Variants in CYFIP1 observed in about 807,000 individuals in gnomAD.
The protein encoded by CYFIP1 is cytoplasmic FMR1 interacting protein 1.
A neutral mutation model predicts 163.5 loss-of-function variants in CYFIP1; 58 were observed. The ratio of observed to expected loss-of-function variants is 0.35; its 90% CI spans 0.29 to 0.44. The LOEUF (loss-of-function observed/expected upper bound fraction) is 0.44, where lower values mean the gene tolerates loss of function less well. Among genes scored for constraint, CYFIP1 ranks in the 20% least tolerant of loss-of-function variants. CYFIP1 has a pLI of 1.00. For synonymous variants in CYFIP1, 663 were observed against 660.7 expected (o/e 1.00, Z -0.05); for missense variants, 1,338 against 1,653.8 (o/e 0.81, Z 3.31).
chr15:22,867,203 C>CCAT lies in CYFIP1; in HGVS notation c.*2822_*2824dup, dbSNP rs1468445237. ...GAAATGTGCATTTGTCATCCCCACT[C>CCAT]CATCAATCCCTGACCATGTAAGGCT... On this transcript the variant is annotated 3_prime_UTR_variant, in exon 31 of 31. Coordinates refer to ENST00000617928, the MANE Select transcript of CYFIP1 (RefSeq NM_014608.6). 7.6e-5 allele frequency: 32 copies of CCAT among 421,428 alleles called. No individual in the cohort carries two copies. The Admixed American group carries it at 1.0e-3, about 14-fold the overall frequency. The allele number at this position is 421,428 out of a possible 1,614,324, so 26.1% of individuals were successfully genotyped here.
At chr15:22,979,990 G>C (rs1015946268) in intron 1 of CYFIP1, among the ~76,000 whole-genome samples, 1 of 152,162 alleles carries the variant, frequency 6.6e-6, no homozygotes, top group Admixed American at 6.5e-5. Flanking sequence ...GTGAACGCGG[G>C]GGCGGGGAGC....
intron 1 of CYFIP1, among the ~76,000 whole-genome samples, chr15:22,974,840 G>A (rs530864535): frequency 4.1e-4 from 63 of 152,156 alleles, no homozygotes; most frequent in African/African-American, 1.2e-3. Flanking sequence ...TGAACCATGC[G>A]GGTCCACTTA....
chr15:22,902,995 A>G (rs1390759423), intron 22 of CYFIP1, among the ~76,000 whole-genome samples: 2 of 152,188 alleles, frequency 1.3e-5, no homozygotes, highest in Non-Finnish European at 2.9e-5. Context: ...CGCGGAGATC[A>G]GAGGCAAGCA....
intron 13 of CYFIP1, among the ~76,000 whole-genome samples, chr15:22,919,793 C>T (rs182046479): frequency 2.4e-4 from 36 of 152,144 alleles, no homozygotes; most frequent in Admixed American, 5.9e-4. Context: ...GAGGCTGAGG[C>T]GGGAGAATCA....
At position 22,914,854 on chromosome 15, in the gene CYFIP1, C is replaced by T. The variant is rs147012760; in HGVS notation, c.1857G>A (p.Ser619=). The T allele has an allele frequency of 3.5e-4, 569 of 1,613,382 alleles. 7 individuals carry two copies. In the East Asian group the frequency reaches 0.011, roughly 32 times the overall value. ...GGAAGAACTCTCGGAACCACAGCTGCGAAAGGTCACAGCACTGCTGCAGCG... is the reference window on the plus strand; with the variant it reads ...GGAAGAACTCTCGGAACCACAGCTGTGAAAGGTCACAGCACTGCTGCAGCG... ...SETLQQCCDL[S]QLWFREFFLE... The change falls in exon 17 of 31, where the codon TCG becomes TCA. Residue 619 remains serine (S), a synonymous_variant. Transcript: ENST00000617928.
chr15:22,927,378 G>A (rs2061387708), intron 12 of CYFIP1, among the ~76,000 whole-genome samples: 1 of 151,270 alleles, frequency 6.6e-6, no homozygotes, highest in South Asian at 2.1e-4. Flanking sequence ...GCTAACTCAG[G>A]AGGCTGAGGC....
At chr15:22,940,646 T>G (rs1005148622) in intron 6 of CYFIP1, among the ~76,000 whole-genome samples, 2 of 152,244 alleles carry the variant, frequency 1.3e-5, no homozygotes, top group Non-Finnish European at 2.9e-5. Flanking sequence ...AGAAATAAAC[T>G]GCAATCTTTT....
intron 1 of CYFIP1, among the ~76,000 whole-genome samples, chr15:22,979,815 G>A (rs908953104): frequency 6.6e-6 from 1 of 152,092 alleles, no homozygotes; most frequent in Non-Finnish European, 1.5e-5. Flanking sequence ...ACAGGGGCAC[G>A]AAACAAAAAC....
chr15:22,908,608 C>T (rs1431104511), intron 21 of CYFIP1, among the ~76,000 whole-genome samples: 4 of 140,414 alleles, frequency 2.8e-5, no homozygotes, highest in Non-Finnish European at 4.5e-5. Context: ...GGGCTCACTG[C>T]AACCCTGCCT....
chr15:22,872,333 C>T (rs374849951), intron 30 of CYFIP1, among the ~76,000 whole-genome samples: 2 of 149,106 alleles, frequency 1.3e-5, no homozygotes, highest in Non-Finnish European at 3.0e-5. Flanking sequence ...AAAACTGATA[C>T]AACAAAGAGA....
intron 17 of CYFIP1, among the ~76,000 whole-genome samples, chr15:22,914,253 G>A (rs1196059997): frequency 2.0e-5 from 3 of 152,108 alleles, no homozygotes; most frequent in East Asian, 3.9e-4. Context: ...GAAGGTCCAG[G>A]TTCATCCATC....
intron 1 of CYFIP1, among the ~76,000 whole-genome samples, chr15:22,964,340 G>A (rs1417792215): frequency 6.5e-5 from 4 of 61,286 alleles, no homozygotes; most frequent in Admixed American, 2.1e-4. Flanking sequence ...AGCAGACTCC[G>A]CAACCTCATC....
At chr15:22,896,428 C>A (rs552752017) in intron 22 of CYFIP1, among the ~76,000 whole-genome samples, 5 of 151,998 alleles carry the variant, frequency 3.3e-5, no homozygotes, top group Admixed American at 6.6e-5. Context: ...TTCTGCCCCC[C>A]GACAACCTCT....
intron 1 of CYFIP1, among the ~76,000 whole-genome samples, chr15:22,968,044 G>A (rs890255530): frequency 1.2e-4 from 18 of 152,248 alleles, no homozygotes; most frequent in Non-Finnish European, 1.9e-4. Flanking sequence ...GCTGAGGCAG[G>A]AGAATCGCTT....
intron 1 of CYFIP1, among the ~76,000 whole-genome samples, chr15:22,951,055 A>G (rs2062232797): frequency 1.3e-5 from 2 of 152,226 alleles, no homozygotes; most frequent in South Asian, 4.1e-4. Context: ...GGTTCAGTAC[A>G]GTCTCCAGGC....
In CYFIP1 at chr15:22,917,634, A is replaced by C; in HGVS notation, c.1674+154T>G. On this transcript the variant is annotated intron_variant, in intron 15 of 30. Transcript: ENST00000617928. The surrounding 1 kb of genome is among the most constrained non-coding windows in gnomAD (Gnocchi z 4.2). ...CGCTCCCAACTCACTTGGGTGGGAA[A>C]CAGAGGAGCAGCAGAAACCACAGGC... is the stretch of plus-strand genomic sequence containing the variant. 3.2e-6 allele frequency: 3 copies of C among 924,424 alleles called. No homozygotes were observed. Among genetic ancestry groups the C allele is most frequent in the Non-Finnish European group, 4.7e-6 (3 of 642,826 alleles). The allele number at this position is 924,424 out of a possible 1,614,324, so 57.3% of individuals were successfully genotyped here. A position where few individuals can be genotyped will look rare whatever the true frequency, so the allele number is the denominator to read the frequency against.
At chr15:22,979,457 C>G (rs1017805505) in intron 1 of CYFIP1, among the ~76,000 whole-genome samples, 1 of 102,782 alleles carries the variant, frequency 9.7e-6, no homozygotes, top group African/African-American at 4.5e-5. Context: ...CGCCAGAAAA[C>G]AAACGCTCCC....
intron 11 of CYFIP1, among the ~76,000 whole-genome samples, chr15:22,931,656 T>C (rs2061537499): frequency 7.2e-6 from 1 of 138,694 alleles, no homozygotes; most frequent in Non-Finnish European, 1.5e-5. Context: ...ATCTCTGTCC[T>C]TTCTCTTGGG....
At chr15:22,893,104 G>T (rs982539497) in intron 22 of CYFIP1, 127 bp from the exon 23 acceptor site, 3 of 666,450 alleles carry the variant, frequency 4.5e-6, no homozygotes, top group South Asian at 3.8e-5. Flanking sequence ...CATCAAATAG[G>T]AAAATTCTAG....
Sources: gnomAD v4.1 joint callset for allele counts (sites outside exome capture counted in the v4.1 genomes callset) on GRCh38, gnomAD v4.1.1 for gene constraint, Gnocchi (gnomAD v3.1) non-coding constraint, MANE v1.5 for transcripts, NCBI Gene and HGNC (gene_info 2026-07-23, HGNC 2026-07-21) for gene names.